Variants in RPRD1B observed in about 807,000 individuals in gnomAD.
RPRD1B encodes the protein regulation of nuclear pre-mRNA domain containing 1B.
In RPRD1B, 11 loss-of-function variants were observed where a neutral mutation model predicts 41.5. The ratio of observed to expected loss-of-function variants is 0.27; its 90% CI spans 0.17 to 0.44. RPRD1B has a LOEUF of 0.44. Ranked by LOEUF, RPRD1B falls within the 20% of genes least tolerant of loss-of-function variation. The pLI is 1.00. For synonymous variants in RPRD1B, 158 were observed against 155.6 expected, an observed-to-expected ratio of 1.02 and a Z score of -0.12; for missense variants, 248 against 389.9, an observed-to-expected ratio of 0.64 and a Z score of 3.06.
chr20:38,079,416 C>T (rs1327739964), intron 6 of RPRD1B, among the ~76,000 whole-genome samples: 1 of 152,108 alleles, frequency 6.6e-6, no homozygotes, highest in Non-Finnish European at 1.5e-5. Flanking sequence ...TCCTCCCATC[C>T]TCCACCCTCA....
rs2074275385 is a variant in RPRD1B, at chr20:38,059,475, C to G, written c.610C>G (p.Leu204Val). 6.2e-7 allele frequency: 1 copy of G among 1,613,988 alleles called. No individual in the cohort carries two copies. The highest frequency in any genetic ancestry group is 1.3e-5 in the African/African-American group (1 of 74,928). ...TACTGTCCGACAGAAAATTGCTTCTCTGCCCCAGGAAGTGCAAGATGTTTC... is the reference window on the plus strand; with the variant it reads ...TACTGTCCGACAGAAAATTGCTTCTGTGCCCCAGGAAGTGCAAGATGTTTC... ...DATVRQKIAS[L>V]PQEVQDVSLL... Residue 204 changes from leucine to valine, a missense_variant, in exon 5 of 7, where the codon CTG becomes GTG. Physicochemically the swap from Leu to Val is conservative, Grantham distance 32 (BLOSUM62 1). This residue lies in a region of RPRD1B where 93 missense variants were observed against 167.2 expected (regional missense o/e 0.56). Coordinates refer to ENST00000373433, the MANE Select transcript of RPRD1B (RefSeq NM_021215.4).
chr20:38,070,416 G>A (rs896757347), intron 6 of RPRD1B: 1 of 985,346 alleles, frequency 1.0e-6, no homozygotes, highest in Non-Finnish European at 1.2e-6. Flanking sequence ...GGGTATAGAA[G>A]AAAGCCCATT....
At chr20:38,063,256 T>TC (rs2074319011) in intron 5 of RPRD1B, among the ~76,000 whole-genome samples, 1 of 152,146 alleles carries the variant, frequency 6.6e-6, no homozygotes, top group African/African-American at 2.4e-5. Flanking sequence ...CCCCCCACCT[T>TC]CCAGTGCCCC....
chr20:38,055,544 C>G (rs1295959589), intron 3 of RPRD1B, among the ~76,000 whole-genome samples: 1 of 151,766 alleles, frequency 6.6e-6, no homozygotes, highest in East Asian at 1.9e-4. Flanking sequence ...TCTACACATT[C>G]CTCTGGCCAT....
At chr20:38,067,271 G>C (rs555718402) in intron 6 of RPRD1B, among the ~76,000 whole-genome samples, 77 of 152,320 alleles carry the variant, frequency 5.1e-4, no homozygotes, top group Admixed American at 1.7e-3. Flanking sequence ...GCCCCGGGCT[G>C]CTGCACTTCC....
At chr20:38,044,217 C>A (rs1238396465) in intron 2 of RPRD1B, among the ~76,000 whole-genome samples, 1 of 152,156 alleles carries the variant, frequency 6.6e-6, no homozygotes, top group African/African-American at 2.4e-5. Flanking sequence ...ATTCCACAAA[C>A]ACGCTTAATT....
At chr20:38,040,247 C>T (rs202203902) in intron 1 of RPRD1B, among the ~76,000 whole-genome samples, 188 bp from the exon 2 acceptor site, 2 of 147,434 alleles carry the variant, frequency 1.4e-5, no homozygotes. Context: ...TTTTCTTTTT[C>T]TTTTTTTTTT....
chr20:38,049,841 A>G (rs925622742), intron 3 of RPRD1B: 1 of 470,918 alleles, frequency 2.1e-6, no homozygotes, highest in African/African-American at 2.0e-5. Flanking sequence ...GACCCTTTCT[A>G]TCTGAACTAG....
chr20:38,055,450 G>GTT (rs368884397), intron 3 of RPRD1B, among the ~76,000 whole-genome samples: 9 of 145,802 alleles, frequency 6.2e-5, no homozygotes, highest in South Asian at 2.2e-4. Flanking sequence ...TTAGCATGCA[G>GTT]TTTTTTTTTT....
At chr20:38,058,256 CG>C (rs547837485) in intron 4 of RPRD1B, among the ~76,000 whole-genome samples, 7 of 149,780 alleles carry the variant, frequency 4.7e-5, no homozygotes, top group East Asian at 2.0e-4. Flanking sequence ...AAGGCGGGGG[CG>C]GGGGGGGCTT....
chr20:38,062,143 T>G (rs1424048147), intron 5 of RPRD1B, among the ~76,000 whole-genome samples: 1 of 152,130 alleles, frequency 6.6e-6, no homozygotes, highest in Non-Finnish European at 1.5e-5. Context: ...TTGGTGATAT[T>G]CCAAGCCACT....
intron 1 of RPRD1B, among the ~76,000 whole-genome samples, chr20:38,036,609 A>G (rs1166365261): frequency 6.6e-6 from 1 of 152,354 alleles, no homozygotes; most frequent in South Asian, 2.1e-4. Flanking sequence ...GAATTAAATC[A>G]TGGTCTCTGA....
intron 6 of RPRD1B, among the ~76,000 whole-genome samples, chr20:38,068,920 C>G (rs1331302397): frequency 6.6e-6 from 1 of 152,196 alleles, no homozygotes. Context: ...TTTTAACATT[C>G]ATTTTTGTAA....
intron 2 of RPRD1B, among the ~76,000 whole-genome samples, chr20:38,040,915 ATAACT>A (rs755366214): frequency 5.9e-5 from 9 of 152,376 alleles, no homozygotes; most frequent in Non-Finnish European, 8.8e-5. Flanking sequence ...TTTTAGTAAC[ATAACT>A]TAATAGCAAG....
intron 6 of RPRD1B, among the ~76,000 whole-genome samples, chr20:38,087,221 A>C (rs1384678257): frequency 6.6e-6 from 1 of 152,206 alleles, no homozygotes; most frequent in Admixed American, 6.5e-5. Flanking sequence ...CGGCCTCCCA[A>C]AGTGCTGGGA....
At chr20:38,076,845 G>A (rs2074465162) in intron 6 of RPRD1B, among the ~76,000 whole-genome samples, 1 of 143,730 alleles carries the variant, frequency 7.0e-6, no homozygotes, top group Non-Finnish European at 1.5e-5. Context: ...CCTTCAATAA[G>A]CTTTTCTCCA....
intron 1 of RPRD1B, among the ~76,000 whole-genome samples, chr20:38,039,674 G>A (rs1483169388): frequency 6.6e-6 from 1 of 151,738 alleles, no homozygotes; most frequent in African/African-American, 2.4e-5. Flanking sequence ...AAAGTGCTGG[G>A]ATGACAGGCA....
At chr20:38,073,233 C>T (rs1186875603) in intron 6 of RPRD1B, among the ~76,000 whole-genome samples, 1 of 152,180 alleles carries the variant, frequency 6.6e-6, no homozygotes, top group Non-Finnish European at 1.5e-5. Context: ...TGCATGAAAG[C>T]ATTCTAAGTG....
At chr20:38,080,213 T>C (rs887253248) in intron 6 of RPRD1B, among the ~76,000 whole-genome samples, 3 of 152,262 alleles carry the variant, frequency 2.0e-5, no homozygotes, top group Admixed American at 6.5e-5. Flanking sequence ...AGAAGCTCTT[T>C]AGTTTAATTA....
Sources: allele counts gnomAD v4.1 joint callset (sites outside exome capture counted in the v4.1 genomes callset), GRCh38; gene constraint gnomAD v4.1.1; regional missense constraint gnomAD v4.1.1; transcripts MANE v1.5; gene names NCBI Gene and HGNC (gene_info 2026-07-23, HGNC 2026-07-21).